Variants in MKLN1 observed in about 807,000 individuals in gnomAD.
MKLN1 encodes muskelin.
Under a neutral mutation model 99.0 loss-of-function variants are expected in MKLN1, and 18 were observed. That is an observed-to-expected ratio of 0.18 (90% CI 0.13 to 0.27). The LOEUF (loss-of-function observed/expected upper bound fraction) is 0.27, where lower values mean the gene tolerates loss of function less well. Ranked by LOEUF, MKLN1 falls within the 10% of genes least tolerant of loss-of-function variation. The pLI, the probability that MKLN1 is intolerant of heterozygous loss-of-function variation, is 1.00. For synonymous variants in MKLN1, 288 were observed against 293.2 expected, an observed-to-expected ratio of 0.98 and a Z score of 0.18; for missense variants, 621 against 875.9, an observed-to-expected ratio of 0.71 and a Z score of 3.67.
chr7:131,442,808 A>G (rs919888363), intron 10 of MKLN1, among the ~76,000 whole-genome samples: 1 of 152,220 alleles, frequency 6.6e-6, no homozygotes, highest in African/African-American at 2.4e-5. Context: ...ACACATTTTT[A>G]TGAAAAGTTA....
intron 8 of MKLN1, among the ~76,000 whole-genome samples, chr7:131,423,281 C>T: frequency 6.6e-6 from 1 of 152,004 alleles, no homozygotes; most frequent in East Asian, 1.9e-4. Context: ...AAATTTGAAC[C>T]TTTAACTGTT....
At chr7:131,338,377 G>T (rs1799310166) in intron 1 of MKLN1, among the ~76,000 whole-genome samples, 1 of 152,220 alleles carries the variant, frequency 6.6e-6, no homozygotes. Context: ...CCTAGTGGCT[G>T]TCCTTTTTTG....
At chr7:131,122,518 C>T (rs1795388404) in intron 1 of MKLN1, among the ~76,000 whole-genome samples, 1 of 152,198 alleles carries the variant, frequency 6.6e-6, no homozygotes, top group Admixed American at 6.5e-5. Context: ...TTTTCCTCGT[C>T]TATGACTCCA....
chr7:131,251,324 C>A (rs889308842), intron 3 of MKLN1, among the ~76,000 whole-genome samples: 5 of 152,186 alleles, frequency 3.3e-5, no homozygotes, highest in Non-Finnish European at 5.9e-5. Context: ...ACACTGCCTA[C>A]CGGGCAGGGT....
chr7:131,116,186 T>G (rs945138855), intron 1 of MKLN1, among the ~76,000 whole-genome samples: 1 of 148,280 alleles, frequency 6.7e-6, no homozygotes, highest in Admixed American at 6.7e-5. Flanking sequence ...GACTATATAA[T>G]GAATATATAT....
chr7:131,266,986 A>T (rs1797818186), intron 3 of MKLN1, among the ~76,000 whole-genome samples: 1 of 152,066 alleles, frequency 6.6e-6, no homozygotes, highest in South Asian at 2.1e-4. Flanking sequence ...AGAGAAAAGT[A>T]CTATCCTAAG....
At chr7:131,274,888 C>T (rs567901205) in intron 3 of MKLN1, among the ~76,000 whole-genome samples, 1 of 152,150 alleles carries the variant, frequency 6.6e-6, no homozygotes, top group Admixed American at 6.5e-5. Context: ...TTGTAAAGCT[C>T]CTTTCTTAGT....
intron 3 of MKLN1, among the ~76,000 whole-genome samples, chr7:131,238,592 G>C (rs550572480): frequency 1.3e-5 from 2 of 152,214 alleles, no homozygotes; most frequent in Non-Finnish European, 2.9e-5. Flanking sequence ...TGAGGTTGCT[G>C]TCTGTGTTAA....
At chr7:131,483,310 A>G (rs1797177337) in intron 17 of MKLN1, among the ~76,000 whole-genome samples, 1 of 152,080 alleles carries the variant, frequency 6.6e-6, no homozygotes, top group East Asian at 1.9e-4. Context: ...ACTTTCCTCA[A>G]TCTCTGTATT....
chr7:131,310,321 TTC>T (rs1340786948), intron 3 of MKLN1: 3 of 152,190 alleles, frequency 2.0e-5, no homozygotes, highest in Non-Finnish European at 4.4e-5. Context: ...CAGATAAAAG[TTC>T]TTTTTCTCAT....
chr7:131,445,759 T>TTTTC lies in MKLN1; in HGVS notation c.1396-13_1396-12insTCTT. On this transcript the variant is annotated splice_polypyrimidine_tract_variant and intron_variant, in intron 11 of 17. Transcript: ENST00000352689. The stretch of plus-strand genomic sequence containing the variant: ...GATAAGTTACTCCTTTCTTTTTTTT[T>TTTTC]TTCTTCTTTTTCAGAAAAATCGTTG... 1 of 1,582,690 alleles carries TTTTC rather than the reference T, an allele frequency of 6.3e-7. No individual in the cohort carries two copies. Among genetic ancestry groups the TTTTC allele is most frequent in the South Asian group, 1.2e-5 (1 of 84,662 alleles).
chr7:131,265,931 T>C (rs1244146213), intron 3 of MKLN1, among the ~76,000 whole-genome samples: 2 of 152,152 alleles, frequency 1.3e-5, no homozygotes, highest in Non-Finnish European at 2.9e-5. Flanking sequence ...CCCAACATTT[T>C]GGGAGGCCAA....
At chr7:131,371,634 T>C (rs1793466533) in intron 1 of MKLN1, among the ~76,000 whole-genome samples, 1 of 152,094 alleles carries the variant, frequency 6.6e-6, no homozygotes, top group Non-Finnish European at 1.5e-5. Context: ...GTCCATCTGC[T>C]CATTTTTCAG....
At chr7:131,446,271 T>TGC (rs1241872021) in intron 12 of MKLN1, among the ~76,000 whole-genome samples, 2 of 152,182 alleles carry the variant, frequency 1.3e-5, no homozygotes, top group Non-Finnish European at 2.9e-5. Flanking sequence ...AGGGTGTGTG[T>TGC]CTTAAGGGGG....
chr7:131,115,905 T>C (rs1002459351), intron 1 of MKLN1, among the ~76,000 whole-genome samples: 3 of 152,214 alleles, frequency 2.0e-5, no homozygotes, highest in Non-Finnish European at 4.4e-5. Flanking sequence ...TATATTTTTT[T>C]CATAGTAATG....
At chr7:131,152,776 G>C (rs1464529810) in intron 2 of MKLN1, among the ~76,000 whole-genome samples, 2 of 151,954 alleles carry the variant, frequency 1.3e-5, no homozygotes, top group Non-Finnish European at 2.9e-5. Flanking sequence ...ACTTACTTTT[G>C]TAGTTTGCTT....
intron 1 of MKLN1, among the ~76,000 whole-genome samples, chr7:131,340,275 CTTT>C (rs398006316): frequency 2.4e-5 from 2 of 85,050 alleles, no homozygotes; most frequent in South Asian, 5.0e-4. Context: ...GTAATTACGG[CTTT>C]TTTTTTTTTT....
chr7:131,445,109 A>G (rs1015973919), intron 11 of MKLN1, among the ~76,000 whole-genome samples: 2 of 152,064 alleles, frequency 1.3e-5, no homozygotes, highest in Admixed American at 1.3e-4. Context: ...ACTTCTAGGG[A>G]TGGGTAGTCA....
chr7:131,421,817 G>T (rs1795202985), intron 8 of MKLN1, among the ~76,000 whole-genome samples: 1 of 151,892 alleles, frequency 6.6e-6, no homozygotes, highest in Non-Finnish European at 1.5e-5. Context: ...CAGTGTTGAG[G>T]GGAAAAAGTA....
Sources: allele counts gnomAD v4.1 joint callset (sites outside exome capture counted in the v4.1 genomes callset), GRCh38; gene constraint gnomAD v4.1.1; transcripts MANE v1.5; gene names NCBI Gene and HGNC (gene_info 2026-07-23, HGNC 2026-07-21).